Variants in GABBR2 observed in about 807,000 individuals in gnomAD.
GABBR2 encodes the protein G-protein coupled receptor 51.
In GABBR2, 23 loss-of-function variants were observed where a neutral mutation model predicts 105.6. The observed-to-expected ratio is 0.22, with a 90% CI of 0.16 to 0.31. The LOEUF (loss-of-function observed/expected upper bound fraction) is 0.31. Among genes scored for constraint, GABBR2 ranks in the 10% least tolerant of loss-of-function variants. GABBR2 has a pLI of 1.00. For missense variants in GABBR2, 734 were observed against 1,245.5 expected (o/e 0.59, Z 6.18); for synonymous variants, 478 against 499.7 (o/e 0.96, Z 0.58).
intron 1 of GABBR2, among the ~76,000 whole-genome samples, chr9:98,675,645 G>C (rs1005690083): frequency 2.6e-5 from 4 of 152,294 alleles, no homozygotes; most frequent in African/African-American, 9.6e-5. Context: ...ATCCAGGAAG[G>C]ATGTGAAATT....
intron 13 of GABBR2, among the ~76,000 whole-genome samples, chr9:98,316,308 C>T (rs572673097): frequency 2.9e-4 from 44 of 152,294 alleles, no homozygotes; most frequent in African/African-American, 1.0e-3. Flanking sequence ...TGCGCCACCA[C>T]GCCCAGCTAA....
At chr9:98,580,499 CT>C (rs1247712958) in intron 1 of GABBR2, among the ~76,000 whole-genome samples, 1 of 152,200 alleles carries the variant, frequency 6.6e-6, no homozygotes, top group East Asian at 1.9e-4. Flanking sequence ...TCAGTAAGAT[CT>C]GTTGGGGCCA....
intron 3 of GABBR2, among the ~76,000 whole-genome samples, chr9:98,540,938 G>A (rs1201499402): frequency 6.6e-6 from 1 of 152,204 alleles, no homozygotes; most frequent in African/African-American, 2.4e-5. Flanking sequence ...CTGTTGGTGG[G>A]ACTAGAAATT....
At chr9:98,393,514 T>A (rs1256991041) in intron 9 of GABBR2, among the ~76,000 whole-genome samples, 1 of 152,060 alleles carries the variant, frequency 6.6e-6, no homozygotes, top group Non-Finnish European at 1.5e-5. Context: ...CATCCATCCA[T>A]CCACTTGATC....
At chr9:98,404,537 C>T (rs1180652058) in intron 8 of GABBR2, among the ~76,000 whole-genome samples, 1 of 152,130 alleles carries the variant, frequency 6.6e-6, no homozygotes, top group East Asian at 1.9e-4. Context: ...ACAGCAGGCA[C>T]CACTCTTGTT....
At chr9:98,480,733 C>T (rs1249233533) in intron 5 of GABBR2, among the ~76,000 whole-genome samples, 199 bp downstream of exon 5, 1 of 152,004 alleles carries the variant, frequency 6.6e-6, no homozygotes, top group African/African-American at 2.4e-5. Context: ...CCTGGTTCCT[C>T]GATGATGGTA....
chr9:98,425,677 C>A (rs1288417654), intron 7 of GABBR2, among the ~76,000 whole-genome samples: 1 of 152,176 alleles, frequency 6.6e-6, no homozygotes, highest in East Asian at 1.9e-4. Context: ...TCCTGGTTGA[C>A]AAAAATGAGG....
chr9:98,618,904 A>C (rs1391273955), intron 1 of GABBR2, among the ~76,000 whole-genome samples: 1 of 152,312 alleles, frequency 6.6e-6, no homozygotes, highest in African/African-American at 2.4e-5. Context: ...CTTCTTGCCA[A>C]TGATCTCTTC....
chr9:98,381,945 C>T (rs1382366319), intron 11 of GABBR2, among the ~76,000 whole-genome samples: 1 of 152,160 alleles, frequency 6.6e-6, no homozygotes, highest in East Asian at 1.9e-4. Context: ...TAGCCTGCGT[C>T]ACCCTGTGGT....
At chr9:98,322,177 T>G (rs1432934988) in intron 13 of GABBR2, among the ~76,000 whole-genome samples, 1 of 151,992 alleles carries the variant, frequency 6.6e-6, no homozygotes, top group Non-Finnish European at 1.5e-5. Context: ...AGGGGCACCC[T>G]CTACTCCTGC....
chr9:98,432,239 T>C (rs1334485704), intron 7 of GABBR2, among the ~76,000 whole-genome samples: 1 of 152,016 alleles, frequency 6.6e-6, no homozygotes, highest in Non-Finnish European at 1.5e-5. Flanking sequence ...AGAGATTATT[T>C]AGGAAGGCTA....
chr9:98,510,030 G>C (rs1439491917), intron 3 of GABBR2, among the ~76,000 whole-genome samples: 1 of 152,190 alleles, frequency 6.6e-6, no homozygotes, highest in Non-Finnish European at 1.5e-5. Context: ...GAAAGGTCGG[G>C]TTACCCACAA....
chr9:98,635,666 TGAAAAAAATAGACAGACCAGGCA>T (rs1162037338), intron 1 of GABBR2, among the ~76,000 whole-genome samples: 1 of 152,168 alleles, frequency 6.6e-6, no homozygotes, highest in Non-Finnish European at 1.5e-5. Context: ...TGTGACAATC[TGAAAAAAATAGACAGACCAGGCA>T]GAAGGAACTT....
chr9:98,466,205 C>G (rs886966064), intron 6 of GABBR2, among the ~76,000 whole-genome samples: 8 of 152,128 alleles, frequency 5.3e-5, no homozygotes, highest in Non-Finnish European at 8.8e-5. Flanking sequence ...TCAGGTGTCT[C>G]TTTATAACAG....
chr9:98,630,922 C>T (rs371614988), intron 1 of GABBR2, among the ~76,000 whole-genome samples: 3 of 152,266 alleles, frequency 2.0e-5, no homozygotes, highest in African/African-American at 4.8e-5. Context: ...TCAGTTCCTT[C>T]GTTATTACAC....
At chr9:98,560,752 TTTAG>T (rs1828662260) in intron 2 of GABBR2, among the ~76,000 whole-genome samples, 1 of 146,576 alleles carries the variant, frequency 6.8e-6, no homozygotes, top group South Asian at 2.1e-4. Context: ...ATATATTATA[TTTAG>T]TATTATATAT....
At chr9:98,581,727 T>C (rs1829006622) in intron 1 of GABBR2, among the ~76,000 whole-genome samples, 1 of 152,232 alleles carries the variant, frequency 6.6e-6, no homozygotes, top group African/African-American at 2.4e-5. Context: ...ATAGTTTTAA[T>C]ACATTTCTGT....
intron 1 of GABBR2, among the ~76,000 whole-genome samples, chr9:98,683,357 C>T (rs1340849090): frequency 6.6e-6 from 1 of 152,146 alleles, no homozygotes; most frequent in Non-Finnish European, 1.5e-5. Context: ...CCCACCTCGG[C>T]CTCCCAAAGT....
intron 3 of GABBR2, among the ~76,000 whole-genome samples, chr9:98,519,028 A>G: frequency 6.6e-6 from 1 of 152,228 alleles, no homozygotes; most frequent in East Asian, 1.9e-4. Context: ...ACTCCAGGGA[A>G]CAGGTATTTA....
Sources: allele counts gnomAD v4.1 joint callset (sites outside exome capture counted in the v4.1 genomes callset), GRCh38; gene constraint gnomAD v4.1.1; transcripts MANE v1.5; gene names NCBI Gene and HGNC (gene_info 2026-07-23, HGNC 2026-07-21).